The following SEL1L variants were observed in gnomAD, a reference collection of about 807,000 sequenced individuals.
The protein encoded by SEL1L is protein sel-1 homolog 1.
In SEL1L, 52 loss-of-function variants were observed where a neutral mutation model predicts 109.8. The observed-to-expected ratio is 0.47, with a 90% CI of 0.38 to 0.60. The LOEUF (loss-of-function observed/expected upper bound fraction) is 0.60. SEL1L is among the 20% of genes least tolerant of loss of function. The pLI, the probability that SEL1L is intolerant of heterozygous loss-of-function variation, is 0.00. For synonymous variants in SEL1L, 373 were observed against 339.6 expected, an observed-to-expected ratio of 1.10 and a Z score of -1.08; for missense variants, 749 against 962.2, an observed-to-expected ratio of 0.78 and a Z score of 2.93.
At chr14:81,510,967 A>G (rs1884454008) in intron 3 of SEL1L, among the ~76,000 whole-genome samples, 1 of 152,224 alleles carries the variant, frequency 6.6e-6, no homozygotes, top group Admixed American at 6.5e-5. Flanking sequence ...ATATGGTTTA[A>G]AGGAAACAAA....
At chr14:81,487,833 C>T in intron 15 of SEL1L, 22 bp downstream of exon 15, 1 of 1,611,952 alleles carries the variant, frequency 6.2e-7, no homozygotes, top group South Asian at 1.1e-5. Context: ...GTGTATCCAT[C>T]ATTAATTCCA....
chr14:81,481,024 C>T (rs540483481), intron 19 of SEL1L, among the ~76,000 whole-genome samples: 2 of 152,062 alleles, frequency 1.3e-5, no homozygotes, highest in African/African-American at 2.4e-5. Context: ...GGGCTACCAC[C>T]GGAAGAGATA....
Position 81,487,952 on chromosome 14 carries a change from A to C in SEL1L, c.1396-10T>G. The C allele has an allele frequency of 6.2e-7, 1 of 1,605,716 alleles. No individual in the cohort carries two copies. Among genetic ancestry groups the C allele is most frequent in the Non-Finnish European group, 8.5e-7 (1 of 1,173,106 alleles). On this transcript the variant is annotated splice_polypyrimidine_tract_variant and intron_variant, in intron 14 of 20. Coordinates refer to ENST00000336735, the MANE Select transcript of SEL1L (RefSeq NM_005065.6). Reference sequence around the variant, plus strand: ...GGGCTAGATCATAATTCTGTAGAAAAAGATGTCATATGATGAGAAAGCTCA... The same window carrying C: ...GGGCTAGATCATAATTCTGTAGAAACAGATGTCATATGATGAGAAAGCTCA...
At chr14:81,501,813 T>C (rs1884020881) in intron 6 of SEL1L, among the ~76,000 whole-genome samples, 1 of 152,140 alleles carries the variant, frequency 6.6e-6, no homozygotes, top group Admixed American at 6.5e-5. Flanking sequence ...AGAACATCCC[T>C]TGTAATGTAG....
chr14:81,498,241 A>AT (rs1883856677), intron 9 of SEL1L, 172 bp downstream of exon 9: 1 of 828,408 alleles, frequency 1.2e-6, no homozygotes, highest in South Asian at 2.0e-5. Flanking sequence ...AATAGAACCT[A>AT]AAGCAAAATT....
chr14:81,528,033 A>G (rs894235589), intron 1 of SEL1L, among the ~76,000 whole-genome samples: 1 of 152,166 alleles, frequency 6.6e-6, no homozygotes, highest in Non-Finnish European at 1.5e-5. Flanking sequence ...ATTTCTTCAC[A>G]TTCCATCCAA....
At chr14:81,513,191 G>A (rs61986625) in intron 3 of SEL1L, among the ~76,000 whole-genome samples, 24,450 of 152,134 alleles carry the variant, frequency 0.16, 2,430 homozygotes, top group Middle Eastern at 0.22. Flanking sequence ...ACCAATCAGC[G>A]CTCCGTAAAA....
chr14:81,501,357 G>A (rs1051392197), intron 6 of SEL1L, among the ~76,000 whole-genome samples: 1 of 152,130 alleles, frequency 6.6e-6, no homozygotes. Flanking sequence ...GCTTTGTAAG[G>A]TTCTAATATT....
At chr14:81,493,312 C>G (rs1203005472) in intron 11 of SEL1L, among the ~76,000 whole-genome samples, 37 of 152,092 alleles carry the variant, frequency 2.4e-4, no homozygotes, top group Admixed American at 2.4e-3. Flanking sequence ...GAGTTCGAGA[C>G]CAGCCTGGCC....
In SEL1L at chr14:81,472,534, A is replaced by G; in HGVS notation, c.*4438T>C. On this transcript the variant is annotated 3_prime_UTR_variant, in exon 21 of 21. Coordinates refer to ENST00000336735, the MANE Select transcript of SEL1L (RefSeq NM_005065.6). Reference sequence around the variant, plus strand: ...CTTTACTCAGAGCATATTTAGTCTAAATGTTACTGTGTGGTACGTGTCTCT... The same window carrying G: ...CTTTACTCAGAGCATATTTAGTCTAGATGTTACTGTGTGGTACGTGTCTCT... The G allele has an allele frequency of 2.3e-6, 1 of 425,908 alleles. No homozygotes were observed. The highest frequency in any genetic ancestry group is 4.6e-6 in the Non-Finnish European group (1 of 219,216). The allele number at this position is 425,908 out of a possible 1,614,324, so 26.4% of individuals were successfully genotyped here. A position where few individuals can be genotyped will look rare whatever the true frequency, so the allele number is the denominator to read the frequency against.
intron 13 of SEL1L, 143 bp downstream of exon 13, chr14:81,490,245 C>T (rs1883485974): frequency 1.7e-6 from 1 of 592,604 alleles, no homozygotes; most frequent in Admixed American, 3.8e-5. Context: ...TTAATTAATA[C>T]ATTCACATGA....
At chr14:81,518,659 TAAAAAAAAAA>T (rs35790401) in intron 3 of SEL1L, among the ~76,000 whole-genome samples, 1 of 84,492 alleles carries the variant, frequency 1.2e-5, no homozygotes, top group Non-Finnish European at 2.4e-5. Flanking sequence ...AGACTTCGTC[TAAAAAAAAAA>T]AAAAAAAAAA....
chr14:81,533,839 C>A lies in SEL1L; in HGVS notation c.-95G>T. 1 of 1,251,070 alleles carries A rather than the reference C, an allele frequency of 8.0e-7. No homozygotes were observed. Among genetic ancestry groups the A allele is most frequent in the Non-Finnish European group, 1.1e-6 (1 of 876,810 alleles). The allele number at this position is 1,251,070 out of a possible 1,614,324, so 77.5% of individuals were successfully genotyped here. ...CACCGCCGCCTCGCCGCTGCTCTTC[C>A]TGCTCTAGTCTCCTTCCTCCGCCCC... On this transcript the variant is annotated 5_prime_UTR_variant, in exon 1 of 21. It adds an upstream start codon to the 5' untranslated region. Transcript: ENST00000336735.
chr14:81,504,020 TTAAC>T (rs1595520233), intron 5 of SEL1L, among the ~76,000 whole-genome samples, 177 bp downstream of exon 5: 1 of 152,218 alleles, frequency 6.6e-6, no homozygotes, highest in Non-Finnish European at 1.5e-5. Context: ...CAATTTTACC[TTAAC>T]TAAAGTGTGG....
chr14:81,477,861 T>C (rs1325696508), intron 20 of SEL1L, among the ~76,000 whole-genome samples: 2 of 152,118 alleles, frequency 1.3e-5, no homozygotes, highest in Non-Finnish European at 2.9e-5. Flanking sequence ...GAGAAATTAG[T>C]ATCTTGGCAC....
chr14:81,480,947 C>T (rs1487023654), intron 19 of SEL1L, among the ~76,000 whole-genome samples: 2 of 151,400 alleles, frequency 1.3e-5, no homozygotes, highest in Admixed American at 1.3e-4. Context: ...ACCTCAGGGG[C>T]TACCACCGGA....
chr14:81,484,494 A>G, intron 18 of SEL1L, 97 bp from the exon 19 acceptor site: 1 of 1,144,716 alleles, frequency 8.7e-7, no homozygotes, highest in Non-Finnish European at 1.2e-6. Flanking sequence ...TACATAAAAC[A>G]AAGAATTTTA....
intron 1 of SEL1L, among the ~76,000 whole-genome samples, chr14:81,528,486 CAT>C (rs1185598687): frequency 2.6e-5 from 4 of 152,148 alleles, no homozygotes; most frequent in African/African-American, 9.6e-5. Flanking sequence ...TTACTTTTTC[CAT>C]GTTTTCTGAC....
At chr14:81,506,622 C>A (rs1180815788) in intron 3 of SEL1L, among the ~76,000 whole-genome samples, 1 of 152,172 alleles carries the variant, frequency 6.6e-6, no homozygotes, top group Non-Finnish European at 1.5e-5. Flanking sequence ...AAGTCAATTT[C>A]TTCAGTAATA....
Sources: gnomAD v4.1 joint callset for allele counts (sites outside exome capture counted in the v4.1 genomes callset) on GRCh38, gnomAD v4.1.1 for gene constraint, MANE v1.5 for transcripts, NCBI Gene and HGNC (gene_info 2026-07-23, HGNC 2026-07-21) for gene names.